CHSY3: variants seen among roughly 807,000 people sequenced by gnomAD.
CHSY3 encodes N-acetylgalactosaminyl-proteoglycan 3-beta-glucuronosyltransferase 3.
Under a neutral mutation model 67.2 loss-of-function variants are expected in CHSY3, and 35 were observed. That is an observed-to-expected ratio of 0.52 (90% CI 0.40 to 0.69). The LOEUF is 0.69. CHSY3 is among the 30% of genes least tolerant of loss of function. CHSY3 has a pLI of 0.00. For synonymous variants in CHSY3, 474 were observed against 434.7 expected (o/e 1.09, Z -1.12); for missense variants, 1,069 against 1,138.5 (o/e 0.94, Z 0.88).
intron 2 of CHSY3, among the ~76,000 whole-genome samples, chr5:129,998,493 A>T (rs185076506): frequency 3.7e-4 from 56 of 152,308 alleles, no homozygotes; most frequent in Middle Eastern, 6.8e-3. Flanking sequence ...TCTATAGGAC[A>T]AATTCTTAAA....
At chr5:129,995,281 G>A (rs1252175790) in intron 2 of CHSY3, among the ~76,000 whole-genome samples, 3 of 151,944 alleles carry the variant, frequency 2.0e-5, no homozygotes, top group Admixed American at 1.3e-4. Flanking sequence ...TACAAATGAT[G>A]TATTTTTCTT....
intron 2 of CHSY3, among the ~76,000 whole-genome samples, chr5:130,127,488 C>T (rs1768332546): frequency 6.6e-6 from 1 of 152,128 alleles, no homozygotes; most frequent in African/African-American, 2.4e-5. Context: ...TTCTGCTAAA[C>T]CCTAATTTCT....
chr5:130,092,086 G>T (rs1766899543), intron 2 of CHSY3, among the ~76,000 whole-genome samples: 1 of 152,050 alleles, frequency 6.6e-6, no homozygotes, highest in South Asian at 2.1e-4. Context: ...CCCTCTGAAG[G>T]CCCACAGTGT....
intron 2 of CHSY3, among the ~76,000 whole-genome samples, chr5:130,096,808 T>C (rs1309031281): frequency 6.6e-6 from 1 of 152,164 alleles, no homozygotes; most frequent in Non-Finnish European, 1.5e-5. Flanking sequence ...ACAGAGCTGG[T>C]TACTTCCAAA....
At chr5:129,923,736 A>G (rs1205834545) in intron 2 of CHSY3, among the ~76,000 whole-genome samples, 1 of 152,212 alleles carries the variant, frequency 6.6e-6, no homozygotes, top group African/African-American at 2.4e-5. Context: ...CTAGAATTGA[A>G]GAAGGCACTT....
intron 2 of CHSY3, among the ~76,000 whole-genome samples, chr5:130,071,540 TGTGTGTG>T (rs1766067751): frequency 6.6e-5 from 7 of 105,998 alleles, no homozygotes; most frequent in African/African-American, 3.0e-4. Context: ...TAGTTCATTG[TGTGTGTG>T]TGTGTGTGTG....
chr5:130,149,829 T>C (rs1317060253), intron 2 of CHSY3, among the ~76,000 whole-genome samples: 1 of 152,224 alleles, frequency 6.6e-6, no homozygotes, highest in African/African-American at 2.4e-5. Context: ...CAAGTTTCTT[T>C]AATGAAATGT....
At chr5:129,937,973 C>T (rs1228494852) in intron 2 of CHSY3, among the ~76,000 whole-genome samples, 8 of 152,208 alleles carry the variant, frequency 5.3e-5, no homozygotes, top group African/African-American at 7.2e-5. Flanking sequence ...CTTCCCTAGT[C>T]GAGGTTTTCC....
intron 2 of CHSY3, among the ~76,000 whole-genome samples, chr5:130,023,920 GC>G (rs947853561): frequency 1.3e-5 from 2 of 150,894 alleles, no homozygotes; most frequent in Non-Finnish European, 3.0e-5. Flanking sequence ...ACCATTCCCC[GC>G]CCCCCCAATA....
rs539086399 is a variant in CHSY3 at position 130,152,579 on chromosome 5, C to G, written c.1087-31650C>G. On this transcript the variant is annotated intron_variant, in intron 2 of 2. Transcript: ENST00000305031. ...TATTTAAGCTTCTAATCAGTGTTCT[C>G]TTGCTAAAATTGGAGGTAAATAAAT... 1.4e-3 allele frequency among the ~76,000 whole-genome samples: 217 copies of G among 152,210 alleles called. 2 individuals are homozygous for G. Among genetic ancestry groups the G allele is most frequent in the African/African-American group, 4.9e-3 (205 of 41,548 alleles).
chr5:129,979,721 A>G (rs1406399104), intron 2 of CHSY3, among the ~76,000 whole-genome samples: 2 of 152,240 alleles, frequency 1.3e-5, no homozygotes, highest in Admixed American at 6.5e-5. Flanking sequence ...TTTACGGAGT[A>G]CATTATAAAT....
At chr5:130,034,223 A>G (rs1163257671) in intron 2 of CHSY3, among the ~76,000 whole-genome samples, 1 of 152,074 alleles carries the variant, frequency 6.6e-6, no homozygotes, top group African/African-American at 2.4e-5. Flanking sequence ...CAAATAACAT[A>G]CTTGAAATGG....
intron 2 of CHSY3, among the ~76,000 whole-genome samples, chr5:129,952,858 A>G (rs142764860): frequency 1.8e-4 from 27 of 152,330 alleles, no homozygotes; most frequent in East Asian, 3.9e-4. Flanking sequence ...GTTTTCTTTA[A>G]TCATCAAACA....
intron 2 of CHSY3, among the ~76,000 whole-genome samples, chr5:130,028,181 G>T (rs1256847524): frequency 6.6e-6 from 1 of 151,876 alleles, no homozygotes; most frequent in Non-Finnish European, 1.5e-5. Flanking sequence ...AGTTCATATG[G>T]AACCAAAAAA....
intron 2 of CHSY3, among the ~76,000 whole-genome samples, chr5:130,101,312 A>G (rs1767235801): frequency 6.6e-6 from 1 of 152,202 alleles, no homozygotes; most frequent in African/African-American, 2.4e-5. Context: ...TTCATAGAAT[A>G]GCATAACGCA....
intron 2 of CHSY3, among the ~76,000 whole-genome samples, chr5:130,165,136 T>G (rs1769704668): frequency 6.6e-6 from 1 of 152,136 alleles, no homozygotes. Flanking sequence ...GAGAGTCATA[T>G]GATTACATCC....
At chr5:129,999,889 A>G (rs751512556) in intron 2 of CHSY3, among the ~76,000 whole-genome samples, 7 of 152,140 alleles carry the variant, frequency 4.6e-5, no homozygotes, top group Non-Finnish European at 1.0e-4. Context: ...ATCTAGGTTA[A>G]GAATTAGGAT....
chr5:130,128,931 G>GTT (rs200191536), intron 2 of CHSY3, among the ~76,000 whole-genome samples: 4 of 144,566 alleles, frequency 2.8e-5, no homozygotes, highest in Admixed American at 6.9e-5. Flanking sequence ...AAAATGTGAG[G>GTT]TTTTTTTTTT....
intron 2 of CHSY3, among the ~76,000 whole-genome samples, chr5:130,015,137 A>G (rs1292938773): frequency 6.6e-6 from 1 of 151,796 alleles, no homozygotes; most frequent in Non-Finnish European, 1.5e-5. Context: ...TTCTCATGAG[A>G]TCTGATGGTT....
Sources: gnomAD v4.1 joint callset for allele counts (sites outside exome capture counted in the v4.1 genomes callset) on GRCh38, gnomAD v4.1.1 for gene constraint, MANE v1.5 for transcripts, NCBI Gene and HGNC (gene_info 2026-07-23, HGNC 2026-07-21) for gene names.